XPR1: variants seen among roughly 807,000 people sequenced by gnomAD.
The protein encoded by XPR1 is solute carrier family 53 member 1.
A neutral mutation model predicts 87.5 loss-of-function variants in XPR1; 28 were observed. The observed-to-expected ratio is 0.32, with a 90% CI of 0.24 to 0.44. XPR1 has a LOEUF of 0.44. Ranked by LOEUF, XPR1 falls within the 20% of genes least tolerant of loss-of-function variation. The pLI, the probability that XPR1 is intolerant of heterozygous loss-of-function variation, is 1.00. For missense variants in XPR1, 559 were observed against 862.3 expected, an observed-to-expected ratio of 0.65 and a Z score of 4.41; for synonymous variants, 300 against 306.1, an observed-to-expected ratio of 0.98 and a Z score of 0.21.
intron 1 of XPR1, among the ~76,000 whole-genome samples, chr1:180,674,584 G>C (rs940136328): frequency 2.0e-5 from 3 of 151,038 alleles, no homozygotes; most frequent in African/African-American, 7.3e-5. Context: ...TAAGAGACAG[G>C]GTTTTTACTA....
At chr1:180,726,930 A>T (rs1302496412) in intron 2 of XPR1, among the ~76,000 whole-genome samples, 1 of 149,424 alleles carries the variant, frequency 6.7e-6, no homozygotes, top group Non-Finnish European at 1.5e-5. Context: ...GCTGGAGTGC[A>T]GTGGCGCGTT....
At position 180,834,864 on chromosome 1, in the gene XPR1, T is replaced by A; in HGVS notation, c.1135-10T>A. The A allele has an allele frequency of 6.3e-7, 1 of 1,587,748 alleles. No homozygotes were observed. The highest frequency in any genetic ancestry group is 8.5e-7 in the Non-Finnish European group (1 of 1,170,812). ...TGTTTCTGTGTTTTCTGATTTTTTT[T>A]TTCTTTCAGTTTCGAGTATTTACAG... On this transcript the variant is annotated splice_polypyrimidine_tract_variant and intron_variant, in intron 9 of 14. Transcript: ENST00000367590.
chr1:180,661,639 G>C (rs758420212), intron 1 of XPR1, among the ~76,000 whole-genome samples: 6 of 152,042 alleles, frequency 3.9e-5, no homozygotes, highest in Non-Finnish European at 8.8e-5. Flanking sequence ...GGAGGCCAAG[G>C]GGGGCAGATC....
Position 180,880,230 on chromosome 1 carries a change from C to G in XPR1, c.1963C>G (p.Arg655Gly), listed in dbSNP as rs778119034. 24 of 1,614,010 alleles carry G rather than the reference C, an allele frequency of 1.5e-5. No homozygotes were observed. Among genetic ancestry groups the G allele is most frequent in the Non-Finnish European group, 2.0e-5 (24 of 1,180,046 alleles). The change falls in exon 14 of 15, where the codon CGC becomes GGC. Residue 655 changes from arginine to glycine, a missense_variant. By Grantham distance (125) the Arg-to-Gly change is moderately radical. Coordinates refer to ENST00000367590, the MANE Select transcript of XPR1 (RefSeq NM_004736.4). ...GGACCAGGATGATGGGGTACGAAACCGCCAGAAGAATCGGTCATGGAAGTA... is the reference window on the plus strand; with the variant it reads ...GGACCAGGATGATGGGGTACGAAACGGCCAGAAGAATCGGTCATGGAAGTA... Reference protein sequence around the residue: ...MMDQDDGVRNRQKNRSWKYNQ... With the variant: ...MMDQDDGVRNGQKNRSWKYNQ...
intron 11 of XPR1, among the ~76,000 whole-genome samples, chr1:180,836,949 A>G (rs1395878991): frequency 6.6e-6 from 1 of 152,186 alleles, no homozygotes; most frequent in Non-Finnish European, 1.5e-5. Context: ...AATTTGTGAT[A>G]ATGTTTAAAA....
At chr1:180,875,116 G>A (rs1652619491) in intron 13 of XPR1, among the ~76,000 whole-genome samples, 1 of 152,088 alleles carries the variant, frequency 6.6e-6, no homozygotes, top group Non-Finnish European at 1.5e-5. Flanking sequence ...AAATTGCAGG[G>A]ATTATAATCA....
chr1:180,762,038 G>T (rs367711098), intron 2 of XPR1, among the ~76,000 whole-genome samples: 9 of 147,760 alleles, frequency 6.1e-5, no homozygotes, highest in Non-Finnish European at 1.2e-4. Flanking sequence ...ACCAAACACC[G>T]CATGTTCTCA....
rs186740920 is a variant in XPR1 at position 180,711,062 on chromosome 1, C to T, written c.121+28651C>T. 3.2e-3 allele frequency among the ~76,000 whole-genome samples: 480 copies of T among 150,636 alleles called. 1 individual carries two copies. Among genetic ancestry groups the T allele is most frequent in the Admixed American group, 4.4e-3 (67 of 15,178 alleles). On this transcript the variant is annotated intron_variant, in intron 2 of 14. Coordinates refer to ENST00000367590, the MANE Select transcript of XPR1 (RefSeq NM_004736.4). ...CTCCTCACTTCTCAGACGGGGCGGC[C>T]GGGCAGAGACGCTCCTCACCTCCCA...
intron 11 of XPR1, among the ~76,000 whole-genome samples, chr1:180,857,206 TC>T: frequency 6.6e-6 from 1 of 152,322 alleles, no homozygotes; most frequent in Non-Finnish European, 1.5e-5. Context: ...AGTACCCAAG[TC>T]CCAACTTAAG....
chr1:180,749,076 C>T (rs1647408808), intron 2 of XPR1, among the ~76,000 whole-genome samples: 1 of 152,150 alleles, frequency 6.6e-6, no homozygotes, highest in Non-Finnish European at 1.5e-5. Context: ...AGACGCACAC[C>T]TCTAGTCCCA....
At chr1:180,758,804 C>T (rs571468398) in intron 2 of XPR1, 3 of 152,166 alleles carry the variant, frequency 2.0e-5, no homozygotes, top group South Asian at 2.1e-4. Flanking sequence ...ATTCGTGAAG[C>T]GTTCCATTTC....
At chr1:180,766,493 G>GCACATCC (rs1648291770) in intron 2 of XPR1, among the ~76,000 whole-genome samples, 1 of 152,068 alleles carries the variant, frequency 6.6e-6, no homozygotes, top group Non-Finnish European at 1.5e-5. Flanking sequence ...TCTAGCCCAG[G>GCACATCC]CTTGAGATGT....
At chr1:180,812,136 T>C (rs2102131916) in intron 7 of XPR1, among the ~76,000 whole-genome samples, 1 of 152,294 alleles carries the variant, frequency 6.6e-6, no homozygotes, top group African/African-American at 2.4e-5. Context: ...CTTTGATTGT[T>C]TTTTCTGGAG....
At chr1:180,705,733 A>G (rs1294063034) in intron 2 of XPR1, among the ~76,000 whole-genome samples, 1 of 152,250 alleles carries the variant, frequency 6.6e-6, no homozygotes, top group African/African-American at 2.4e-5. Context: ...CTTAAGGAAA[A>G]CTATGATATG....
intron 1 of XPR1, among the ~76,000 whole-genome samples, chr1:180,668,123 C>CTTTTTTTTT (rs758456790): frequency 2.1e-5 from 2 of 94,700 alleles, no homozygotes; most frequent in African/African-American, 4.8e-5. Flanking sequence ...TTCCCTCTAT[C>CTTTTTTTTT]TTTTTTTTTT....
intron 2 of XPR1, among the ~76,000 whole-genome samples, chr1:180,750,149 C>CT (rs1216857785): frequency 6.6e-6 from 1 of 151,964 alleles, no homozygotes; most frequent in Non-Finnish European, 1.5e-5. Flanking sequence ...ACTTTTTATT[C>CT]TTTTTTGTCC....
chr1:180,675,957 A>C (rs899828081), intron 1 of XPR1, among the ~76,000 whole-genome samples: 1 of 152,218 alleles, frequency 6.6e-6, no homozygotes, highest in African/African-American at 2.4e-5. Flanking sequence ...CCTCTTAATC[A>C]GATGAACACA....
chr1:180,770,669 C>A (rs532497686), intron 2 of XPR1, among the ~76,000 whole-genome samples: 40 of 152,330 alleles, frequency 2.6e-4, no homozygotes, highest in Non-Finnish European at 5.4e-4. Flanking sequence ...ATGAAAGTCT[C>A]AGTCTCTTCA....
At chr1:180,815,493 G>A (rs1467805546) in intron 7 of XPR1, among the ~76,000 whole-genome samples, 6 of 152,082 alleles carry the variant, frequency 3.9e-5, no homozygotes, top group African/African-American at 9.7e-5. Flanking sequence ...AAACACAGTC[G>A]TAGTATGCAT....
Sources: gnomAD v4.1 joint callset for allele counts (sites outside exome capture counted in the v4.1 genomes callset) on GRCh38, gnomAD v4.1.1 for gene constraint, MANE v1.5 for transcripts, NCBI Gene and HGNC (gene_info 2026-07-23, HGNC 2026-07-21) for gene names.